Variants in MAML2 observed in about 807,000 individuals in gnomAD.
MAML2 encodes the protein mastermind-like protein 2.
A neutral mutation model predicts 96.1 loss-of-function variants in MAML2; 22 were observed. That is an observed-to-expected ratio of 0.23 (90% confidence interval 0.16 to 0.33). The LOEUF is 0.33. MAML2 is among the 10% of genes least tolerant of loss of function. The probability of loss-of-function intolerance (pLI) is 1.00; values close to 1 mark genes in which losing one functional copy is unlikely to be tolerated. For missense variants in MAML2, 1,367 were observed against 1,392.4 expected, an observed-to-expected ratio of 0.98 and a Z score of 0.29; for synonymous variants, 561 against 521.3, an observed-to-expected ratio of 1.08 and a Z score of -1.04.
intron 1 of MAML2, among the ~76,000 whole-genome samples, chr11:96,312,188 C>T (rs1305367035): frequency 7.6e-6 from 1 of 131,244 alleles, no homozygotes; most frequent in East Asian, 2.5e-4. Flanking sequence ...CACCTGCACT[C>T]CAGCCTGGGC....
At chr11:96,223,550 T>A (rs1352699722) in intron 1 of MAML2, among the ~76,000 whole-genome samples, 1 of 151,650 alleles carries the variant, frequency 6.6e-6, no homozygotes, top group Non-Finnish European at 1.5e-5. Context: ...TTTCTTTTTT[T>A]TTCTTTTTTT....
At chr11:96,254,451 G>T (rs1359285552) in intron 1 of MAML2, among the ~76,000 whole-genome samples, 2 of 148,996 alleles carry the variant, frequency 1.3e-5, no homozygotes, top group Non-Finnish European at 3.0e-5. Context: ...AGGGCTAGTA[G>T]TTCAAGTAAG....
intron 2 of MAML2, among the ~76,000 whole-genome samples, chr11:95,994,624 G>C (rs1386053136): frequency 6.6e-6 from 1 of 152,080 alleles, no homozygotes; most frequent in African/African-American, 2.4e-5. Flanking sequence ...AAGTGGTGGG[G>C]GAAGACATCA....
chr11:96,173,968 C>G (rs1047255447), intron 1 of MAML2, among the ~76,000 whole-genome samples: 1 of 152,210 alleles, frequency 6.6e-6, no homozygotes, highest in African/African-American at 2.4e-5. Context: ...GGCATATCCC[C>G]CATGTGCTAA....
At chr11:96,085,976 G>C (rs1257190295) in intron 2 of MAML2, among the ~76,000 whole-genome samples, 1 of 152,116 alleles carries the variant, frequency 6.6e-6, no homozygotes, top group African/African-American at 2.4e-5. Context: ...TTCTGTGAAA[G>C]GTTAAAAAAC....
chr11:95,998,044 G>C (rs1452529124), intron 2 of MAML2, among the ~76,000 whole-genome samples: 1 of 152,006 alleles, frequency 6.6e-6, no homozygotes, highest in Non-Finnish European at 1.5e-5. Context: ...ACTCTATACA[G>C]ATACTAGACT....
At chr11:96,181,793 TGC>T (rs879746292) in intron 1 of MAML2, among the ~76,000 whole-genome samples, 84,541 of 151,604 alleles carry the variant, frequency 0.56, 24,191 homozygotes, top group East Asian at 0.75. Flanking sequence ...ATACTGAGTA[TGC>T]TTCACTAAAG....
intron 2 of MAML2, among the ~76,000 whole-genome samples, chr11:96,046,880 C>T (rs1390434881): frequency 1.3e-5 from 2 of 152,180 alleles, no homozygotes; most frequent in Non-Finnish European, 2.9e-5. Flanking sequence ...CTTCAGAGGC[C>T]TACACTAAAG....
chr11:96,169,210 TCA>T (rs1436698457), intron 1 of MAML2, among the ~76,000 whole-genome samples: 3 of 151,126 alleles, frequency 2.0e-5, no homozygotes, highest in African/African-American at 7.3e-5. Flanking sequence ...AACCTCAGCT[TCA>T]GTTTCCAAAT....
chr11:96,330,779 C>T (rs1421604740), intron 1 of MAML2, among the ~76,000 whole-genome samples: 2 of 152,140 alleles, frequency 1.3e-5, no homozygotes, highest in South Asian at 4.1e-4. Context: ...GGTATCAGGT[C>T]GGTGTTCCAA....
At chr11:96,079,520 C>T (rs1009851903) in intron 2 of MAML2, among the ~76,000 whole-genome samples, 5 of 152,074 alleles carry the variant, frequency 3.3e-5, no homozygotes, top group Non-Finnish European at 7.4e-5. Flanking sequence ...AATTACTAAG[C>T]CACTCCACTC....
chr11:96,212,122 TG>T (rs1861980743), intron 1 of MAML2, among the ~76,000 whole-genome samples: 1 of 144,892 alleles, frequency 6.9e-6, no homozygotes, highest in African/African-American at 2.6e-5. Context: ...TGTGTGTGTG[TG>T]TGTGTGTGTG....
At chr11:96,152,456 C>T (rs1435509525) in intron 1 of MAML2, among the ~76,000 whole-genome samples, 1 of 152,212 alleles carries the variant, frequency 6.6e-6, no homozygotes, top group Non-Finnish European at 1.5e-5. Flanking sequence ...CTGCAGTTCT[C>T]ACTTACCTTA....
At chr11:96,020,545 G>T (rs1311389251) in intron 2 of MAML2, among the ~76,000 whole-genome samples, 1 of 152,198 alleles carries the variant, frequency 6.6e-6, no homozygotes, top group African/African-American at 2.4e-5. Flanking sequence ...AAGGGAGGGG[G>T]TGACTGGGGC....
intron 1 of MAML2, among the ~76,000 whole-genome samples, chr11:96,294,145 T>A (rs1325358407): frequency 6.6e-6 from 1 of 152,208 alleles, no homozygotes; most frequent in Non-Finnish European, 1.5e-5. Flanking sequence ...CCAAAGCAGT[T>A]CTGTCCCCTA....
chr11:96,078,855 T>C (rs1240034075), intron 2 of MAML2, among the ~76,000 whole-genome samples: 1 of 152,256 alleles, frequency 6.6e-6, no homozygotes, highest in South Asian at 2.1e-4. Context: ...CCTATGTCTC[T>C]ACTCTTTGTG....
At chr11:96,258,291 G>A (rs1463043438) in intron 1 of MAML2, among the ~76,000 whole-genome samples, 1 of 152,138 alleles carries the variant, frequency 6.6e-6, no homozygotes, top group Non-Finnish European at 1.5e-5. Context: ...GTACTAATCA[G>A]AGTGGAATCC....
rs537230561 is a variant in MAML2, at chr11:95,992,295, G to A, written c.2140-572C>T. ...CTCAGGGCCTTGTAAATTTTGTTCC[G>A]CAGTCAACAATTCAGGTATCTCGGC... On this transcript the variant is annotated intron_variant, in intron 2 of 4. Coordinates refer to ENST00000524717, the MANE Select transcript of MAML2 (RefSeq NM_032427.4). 4.3e-4 allele frequency among the ~76,000 whole-genome samples: 66 copies of A among 152,182 alleles called. No homozygotes were observed. In the Middle Eastern group the frequency reaches 0.02, roughly 47 times the overall value.
At position 96,274,276 on chromosome 11, in the gene MAML2, G is replaced by T. The variant is rs571373910; in HGVS notation, c.513+67107C>A. 2.2e-3 allele frequency among the ~76,000 whole-genome samples: 335 copies of T among 151,686 alleles called. 2 individuals are homozygous for T. The highest frequency in any genetic ancestry group is 7.9e-3 in the African/African-American group (328 of 41,426). On this transcript the variant is annotated intron_variant, in intron 1 of 4. Coordinates refer to ENST00000524717, the MANE Select transcript of MAML2 (RefSeq NM_032427.4). ...TTTTTTGTATTTTTAGTAGAGACGG[G>T]GTTTCACGTGTTAGCCAGGATGGTC...
Sources: allele counts gnomAD v4.1 joint callset (sites outside exome capture counted in the v4.1 genomes callset), GRCh38; gene constraint gnomAD v4.1.1; transcripts MANE v1.5; gene names NCBI Gene and HGNC (gene_info 2026-07-23, HGNC 2026-07-21).